Variants in RASGRF2 observed in about 807,000 individuals in gnomAD.
RASGRF2 encodes the protein ras-specific guanine nucleotide-releasing factor 2.
A neutral mutation model predicts 151.0 loss-of-function variants in RASGRF2; 76 were observed. That is an observed-to-expected ratio of 0.50 (90% CI 0.42 to 0.61). RASGRF2 has a LOEUF of 0.61. Ranked by LOEUF, RASGRF2 falls within the 20% of genes least tolerant of loss-of-function variation. RASGRF2 has a pLI of 0.00. For missense variants in RASGRF2, 1,148 were observed against 1,564.6 expected, an observed-to-expected ratio of 0.73 and a Z score of 4.49; for synonymous variants, 504 against 566.5, an observed-to-expected ratio of 0.89 and a Z score of 1.57.
At chr5:81,064,142 A>G (rs1410702760) in intron 2 of RASGRF2, among the ~76,000 whole-genome samples, 2 of 152,316 alleles carry the variant, frequency 1.3e-5, no homozygotes, top group Middle Eastern at 3.4e-3. Context: ...TGAATGCACA[A>G]CTGGGGAAGG....
chr5:81,072,836 T>C (rs1751819564), intron 4 of RASGRF2, among the ~76,000 whole-genome samples: 1 of 152,190 alleles, frequency 6.6e-6, no homozygotes, highest in African/African-American at 2.4e-5. Context: ...CCTGTGCATG[T>C]CCAGCTCTGT....
chr5:81,013,937 A>T (rs2112321157), intron 1 of RASGRF2, among the ~76,000 whole-genome samples: 1 of 152,228 alleles, frequency 6.6e-6, no homozygotes, highest in African/African-American at 2.4e-5. Flanking sequence ...AATTCTAGTG[A>T]GAGTGAGAAT....
At chr5:81,050,138 G>A (rs1186712722) in intron 2 of RASGRF2, among the ~76,000 whole-genome samples, 2 of 152,128 alleles carry the variant, frequency 1.3e-5, no homozygotes, top group African/African-American at 2.4e-5. Flanking sequence ...ACTGGTCTGC[G>A]TTTCTCCACA....
chr5:80,961,983 C>T (rs1374819680), intron 1 of RASGRF2, among the ~76,000 whole-genome samples: 2 of 152,092 alleles, frequency 1.3e-5, no homozygotes, highest in African/African-American at 2.4e-5. Context: ...TTTGCTGTTG[C>T]GTAAAAATAT....
intron 1 of RASGRF2, among the ~76,000 whole-genome samples, chr5:80,989,892 G>T (rs1331936824): frequency 6.6e-6 from 1 of 152,166 alleles, no homozygotes; most frequent in African/African-American, 2.4e-5. Context: ...ATAATGAGGT[G>T]AGAGGGATGG....
At chr5:81,033,924 T>A (rs914871457) in intron 1 of RASGRF2, among the ~76,000 whole-genome samples, 1 of 152,166 alleles carries the variant, frequency 6.6e-6, no homozygotes, top group African/African-American at 2.4e-5. Context: ...ATATCCAGAA[T>A]CTACAAGGAA....
intron 1 of RASGRF2, among the ~76,000 whole-genome samples, chr5:80,993,589 A>G (rs1301114833): frequency 6.6e-6 from 1 of 152,170 alleles, no homozygotes; most frequent in African/African-American, 2.4e-5. Flanking sequence ...CAATAAAGAG[A>G]TGATTTACCA....
intron 12 of RASGRF2, among the ~76,000 whole-genome samples, chr5:81,098,449 G>A (rs1388970917): frequency 2.6e-5 from 4 of 152,140 alleles, no homozygotes; most frequent in African/African-American, 9.7e-5. Flanking sequence ...AAGGGAATAT[G>A]CATAGGTAGA....
At chr5:81,027,814 A>G (rs985186253) in intron 1 of RASGRF2, among the ~76,000 whole-genome samples, 1 of 152,192 alleles carries the variant, frequency 6.6e-6, no homozygotes, top group Admixed American at 6.5e-5. Context: ...GTTTGAAACT[A>G]TGGGACAGAA....
intron 1 of RASGRF2, among the ~76,000 whole-genome samples, chr5:80,969,976 A>G (rs545884047): frequency 5.9e-5 from 9 of 151,312 alleles, no homozygotes; most frequent in Admixed American, 5.3e-4. Context: ...ACAGGCATGC[A>G]CCACCACCCC....
At chr5:80,981,132 G>A (rs1302306563) in intron 1 of RASGRF2, among the ~76,000 whole-genome samples, 1 of 152,160 alleles carries the variant, frequency 6.6e-6, no homozygotes, top group Non-Finnish European at 1.5e-5. Context: ...TATAGTCACT[G>A]TTAAGAAGTG....
At chr5:81,213,872 AAAAC>A (rs1250517435) in intron 23 of RASGRF2, among the ~76,000 whole-genome samples, 4 of 152,204 alleles carry the variant, frequency 2.6e-5, no homozygotes, top group African/African-American at 9.6e-5. Context: ...AAAAAACAAA[AAAAC>A]AAACTTTTGT....
intron 2 of RASGRF2, among the ~76,000 whole-genome samples, chr5:81,061,059 T>C (rs918501395): frequency 1.3e-5 from 2 of 151,132 alleles, no homozygotes. Flanking sequence ...TTTTTTTTTC[T>C]GTTTATTTAT....
At chr5:81,059,320 G>C (rs540321574) in intron 2 of RASGRF2, among the ~76,000 whole-genome samples, 11 of 148,976 alleles carry the variant, frequency 7.4e-5, no homozygotes, top group South Asian at 2.1e-4. Context: ...GGAGGCGGAG[G>C]TTGCAGTGAG....
chr5:81,194,017 T>G (rs116135563), intron 18 of RASGRF2, among the ~76,000 whole-genome samples: 2,690 of 152,188 alleles, frequency 0.018, 99 homozygotes, highest in African/African-American at 0.061. Context: ...TATGTTGCAG[T>G]ATTGCTATTG....
At chr5:80,989,585 C>T (rs942889239) in intron 1 of RASGRF2, among the ~76,000 whole-genome samples, 1 of 152,144 alleles carries the variant, frequency 6.6e-6, no homozygotes, top group Admixed American at 6.6e-5. Context: ...CAGACTTTGG[C>T]GCTACTACTG....
At chr5:81,087,080 T>G (rs931806293) in intron 9 of RASGRF2, 127 bp downstream of exon 9, 5 of 866,838 alleles carry the variant, frequency 5.8e-6, no homozygotes, top group African/African-American at 1.6e-5. Context: ...CCCCACGGCC[T>G]TCGCCGAGGC....
intron 1 of RASGRF2, among the ~76,000 whole-genome samples, chr5:81,034,559 A>C (rs545362869): frequency 6.6e-6 from 1 of 151,898 alleles, no homozygotes; most frequent in Non-Finnish European, 1.5e-5. Flanking sequence ...CAAATGTCCA[A>C]GAATGATAGA....
At chr5:81,007,303 G>A (rs1749304738) in intron 1 of RASGRF2, among the ~76,000 whole-genome samples, 1 of 152,158 alleles carries the variant, frequency 6.6e-6, no homozygotes. Flanking sequence ...TTGGAGGAAG[G>A]TTGAACTTGT....
Sources: gnomAD v4.1 joint callset for allele counts (sites outside exome capture counted in the v4.1 genomes callset) on GRCh38, gnomAD v4.1.1 for gene constraint, MANE v1.5 for transcripts, NCBI Gene and HGNC (gene_info 2026-07-23, HGNC 2026-07-21) for gene names.